Variants in HUNK observed in about 807,000 individuals in gnomAD.
HUNK encodes the protein hormonally up-regulated Neu-associated kinase, also known as hormonally up-regulated neu tumor-associated kinase.
HUNK carries 21 observed loss-of-function variants against 61.0 expected under a neutral mutation model. That is an observed-to-expected ratio of 0.34 (90% confidence interval 0.24 to 0.50). HUNK has a LOEUF of 0.50. Among genes scored for constraint, HUNK ranks in the 20% least tolerant of loss-of-function variants. HUNK has a pLI of 0.98. For synonymous variants in HUNK, 371 were observed against 386.1 expected, an observed-to-expected ratio of 0.96 and a Z score of 0.46; for missense variants, 772 against 945.7, an observed-to-expected ratio of 0.82 and a Z score of 2.41.
intron 6 of HUNK, among the ~76,000 whole-genome samples, chr21:31,968,776 A>C (rs1335465415): frequency 7.4e-6 from 1 of 134,876 alleles, no homozygotes; most frequent in East Asian, 2.2e-4. Context: ...GTGAGTGTCT[A>C]TGTCTGCTTG....
intron 5 of HUNK, among the ~76,000 whole-genome samples, chr21:31,967,938 T>C (rs2123848735): frequency 6.6e-6 from 1 of 152,306 alleles, no homozygotes; most frequent in South Asian, 2.1e-4. Context: ...AACTGGTTCT[T>C]GCTGTATCAT....
At chr21:31,892,243 C>G (rs1017381928) in intron 1 of HUNK, among the ~76,000 whole-genome samples, 6 of 118,124 alleles carry the variant, frequency 5.1e-5, no homozygotes, top group Non-Finnish European at 1.0e-4. Context: ...CAGCACGTAG[C>G]CTGAAAATAC....
intron 1 of HUNK, among the ~76,000 whole-genome samples, chr21:31,881,981 G>T (rs1265774772): frequency 6.6e-6 from 1 of 152,114 alleles, no homozygotes. Flanking sequence ...TTTTTCCTGA[G>T]AACTCTGGGG....
At chr21:31,978,649 A>G (rs2053068773) in intron 7 of HUNK, among the ~76,000 whole-genome samples, 1 of 152,204 alleles carries the variant, frequency 6.6e-6, no homozygotes, top group East Asian at 1.9e-4. Context: ...ATTGTCAAAA[A>G]TGACAGAATT....
At chr21:31,875,557 C>T (rs1316268679) in intron 1 of HUNK, among the ~76,000 whole-genome samples, 1 of 152,144 alleles carries the variant, frequency 6.6e-6, no homozygotes, top group Non-Finnish European at 1.5e-5. Context: ...CACACTTACA[C>T]TCCTCGATTC....
At position 31,873,853 on chromosome 21, in the gene HUNK, A is replaced by G. The variant is rs777157433; in HGVS notation, c.179A>G (p.Asn60Ser). 33 of 1,585,956 alleles carry G rather than the reference A, an allele frequency of 2.1e-5. No individual in the cohort carries two copies. The highest frequency in any genetic ancestry group is 5.1e-6 in the Non-Finnish European group (6 of 1,168,316). ...TTCCAGCACCACAAGCGCGTGGGCAACTACCTCATCGGCAGCAGGAAGCTG... is the reference window on the plus strand; with the variant it reads ...TTCCAGCACCACAAGCGCGTGGGCAGCTACCTCATCGGCAGCAGGAAGCTG... ...RDFQHHKRVG[N>S]YLIGSRKLGE... The change falls in exon 1 of 11, where the codon AAC becomes AGC. Residue 60 changes from asparagine (N) to serine (S), a missense_variant. Physicochemically the swap from Asn to Ser is conservative, Grantham distance 46. Coordinates refer to ENST00000270112, the MANE Select transcript of HUNK (RefSeq NM_014586.2). This position sits in a 1 kb window ranked among gnomAD's most constrained non-coding sequence, Gnocchi z 6.1.
chr21:31,998,902 T>C lies in HUNK; in HGVS notation c.1863T>C (p.Ser621=), dbSNP rs1173377690. 1.2e-6 allele frequency: 2 copies of C among 1,614,222 alleles called. No homozygotes were observed. The highest frequency in any genetic ancestry group is 4.5e-5 in the East Asian group (2 of 44,884). ...CTCCTTTGCATCCAACTCTGGTCTC[T>C]TTTGCTCACGAAGATAAGAACAGCC... ...LHTPLHPTLV[S]FAHEDKNSPP... Residue 621 remains serine (S), a synonymous_variant, in exon 11 of 11, where the codon TCT becomes TCC. Transcript: ENST00000270112.
intron 2 of HUNK, among the ~76,000 whole-genome samples, chr21:31,939,815 G>A (rs930269335): frequency 3.3e-5 from 5 of 149,858 alleles, no homozygotes; most frequent in Non-Finnish European, 7.4e-5. Context: ...TTGCCTGGCC[G>A]CTCAGGCTGT....
intron 8 of HUNK, 71 bp downstream of exon 8, chr21:31,983,680 A>G (rs893974227): frequency 9.3e-7 from 1 of 1,076,834 alleles, no homozygotes; most frequent in Non-Finnish European, 1.4e-6. Context: ...TAATTGGAAA[A>G]GAAACCAATT....
At chr21:31,887,563 C>T (rs1270887853) in intron 1 of HUNK, among the ~76,000 whole-genome samples, 2 of 149,686 alleles carry the variant, frequency 1.3e-5, no homozygotes, top group East Asian at 4.2e-4. Flanking sequence ...ATGTCCAACC[C>T]CAAGGCTTTT....
intron 2 of HUNK, among the ~76,000 whole-genome samples, chr21:31,934,137 A>T (rs1458811692): frequency 6.6e-6 from 1 of 151,994 alleles, no homozygotes; most frequent in East Asian, 1.9e-4. Flanking sequence ...CTTGCTCATA[A>T]TTTTTTTAAA....
intron 5 of HUNK, among the ~76,000 whole-genome samples, chr21:31,966,008 G>A (rs1371184489): frequency 2.6e-5 from 4 of 152,062 alleles, no homozygotes; most frequent in African/African-American, 4.8e-5. Context: ...TGCATCCATC[G>A]CCTGAGCAGT....
Position 31,998,602 on chromosome 21 carries a change from C to A in HUNK, c.1563C>A (p.Ile521=). The change falls in exon 11 of 11, where the codon ATC becomes ATA. Residue 521 remains isoleucine, a synonymous_variant. Coordinates refer to ENST00000270112, the MANE Select transcript of HUNK (RefSeq NM_014586.2). ...TGGCTTCTTCTTCCATGGAGTTCAT[C>A]CCCGTGCCACCGCCCAGGACCCCGA... The part of the protein sequence containing the change: ...NCVASSSMEF[I]PVPPPRTPRI... 6.2e-7 allele frequency: 1 copy of A among 1,613,888 alleles called. No individual in the cohort carries two copies. The highest frequency in any genetic ancestry group is 8.5e-7 in the Non-Finnish European group (1 of 1,179,894).
chr21:31,977,963 G>T (rs137924883), intron 7 of HUNK, among the ~76,000 whole-genome samples: 1 of 152,230 alleles, frequency 6.6e-6, no homozygotes, highest in African/African-American at 2.4e-5. Flanking sequence ...CTCCCAAAGC[G>T]CTGGGATTAT....
chr21:31,978,421 AT>A (rs2053066017), intron 7 of HUNK, among the ~76,000 whole-genome samples: 1 of 151,982 alleles, frequency 6.6e-6, no homozygotes, highest in Non-Finnish European at 1.5e-5. Context: ...CATGTCTTAA[AT>A]TTTTTTCCTC....
intron 9 of HUNK, among the ~76,000 whole-genome samples, chr21:31,992,648 GC>G (rs1418143996): frequency 2.0e-5 from 3 of 152,226 alleles, no homozygotes; most frequent in Non-Finnish European, 2.9e-5. Flanking sequence ...CGGCAGCCTT[GC>G]CGTGTGAGGA....
In HUNK at chr21:31,990,148, C is replaced by T. The variant is rs990030113; in HGVS notation, c.1277C>T (p.Thr426Ile). 21 of 1,613,836 alleles carry T rather than the reference C, an allele frequency of 1.3e-5. No individual in the cohort carries two copies. The East Asian group carries it at 1.8e-4, about 14-fold the overall frequency. Residue 426 changes from threonine to isoleucine, a missense_variant, in exon 9 of 11, where the codon ACA becomes ATA. Around this residue, in one of 2 missense-constraint regions of HUNK, gnomAD observed 413 missense variants for 444.4 expected, o/e 0.93. Coordinates refer to ENST00000270112, the MANE Select transcript of HUNK (RefSeq NM_014586.2). ...TCACAGGCCTCTCTGGACACCTGGA[C>T]ACGAGATCTTGAATTCCATGCCGTG... is the stretch of plus-strand genomic sequence containing the variant. ...ESYEASLDTW[T>I]RDLEFHAVQD...
chr21:31,889,290 A>G (rs77179047), intron 1 of HUNK, among the ~76,000 whole-genome samples: 3,606 of 152,312 alleles, frequency 0.024, 140 homozygotes, highest in African/African-American at 0.082. Context: ...GGCAAATGGA[A>G]TGAGGAAGTG....
chr21:31,968,491 G>A (rs1376333862), intron 6 of HUNK, 106 bp downstream of exon 6: 16 of 1,353,536 alleles, frequency 1.2e-5, no homozygotes, highest in Middle Eastern at 2.2e-4. Context: ...GAAAAGCCGC[G>A]CTCTCTCTTG....
Sources: allele counts gnomAD v4.1 joint callset (sites outside exome capture counted in the v4.1 genomes callset), GRCh38; gene constraint gnomAD v4.1.1; regional missense constraint gnomAD v4.1.1; non-coding constraint Gnocchi (gnomAD v3.1); transcripts MANE v1.5; gene names NCBI Gene and HGNC (gene_info 2026-07-23, HGNC 2026-07-21).